Variants in ZEB1 observed in about 807,000 individuals in gnomAD.
ZEB1 encodes the protein zinc finger E-box-binding homeobox 1.
A neutral mutation model predicts 84.9 loss-of-function variants in ZEB1; 21 were observed. The ratio of observed to expected loss-of-function variants is 0.25; its 90% CI spans 0.18 to 0.36. The LOEUF is 0.36. Among genes scored for constraint, ZEB1 ranks in the 10% least tolerant of loss-of-function variants. ZEB1 has a pLI of 1.00. For missense variants in ZEB1, 1,104 were observed against 1,330.2 expected (o/e 0.83, Z 2.65); for synonymous variants, 420 against 471.1 (o/e 0.89, Z 1.41).
intron 1 of ZEB1, among the ~76,000 whole-genome samples, chr10:31,404,515 G>GA (rs2052614401): frequency 6.6e-6 from 1 of 151,878 alleles, no homozygotes; most frequent in Admixed American, 6.6e-5. Context: ...CACCTTTACT[G>GA]AAAAAAATAC....
At chr10:31,475,069 G>A in intron 2 of ZEB1, among the ~76,000 whole-genome samples, 1 of 151,178 alleles carries the variant, frequency 6.6e-6, no homozygotes. Context: ...TGTGGGGTGG[G>A]GCGGGGGGGA....
intron 1 of ZEB1, among the ~76,000 whole-genome samples, chr10:31,406,552 T>C (rs1471601389): frequency 6.6e-6 from 1 of 152,166 alleles, no homozygotes; most frequent in Admixed American, 6.5e-5. Flanking sequence ...TGTTTTTTTC[T>C]TGTAAATTTG....
chr10:31,468,877 G>GT (rs1331168935), intron 2 of ZEB1, among the ~76,000 whole-genome samples: 1 of 152,012 alleles, frequency 6.6e-6, no homozygotes, highest in African/African-American at 2.4e-5. Flanking sequence ...GAAATAGAAT[G>GT]TTGTGACACC....
intron 1 of ZEB1, among the ~76,000 whole-genome samples, chr10:31,338,172 T>A (rs1339079078): frequency 6.6e-6 from 1 of 152,218 alleles, no homozygotes; most frequent in East Asian, 1.9e-4. Context: ...CTTATTATAT[T>A]TTTTTCTAAC....
chr10:31,365,135 A>G (rs908936284), intron 1 of ZEB1, among the ~76,000 whole-genome samples: 2 of 152,244 alleles, frequency 1.3e-5, no homozygotes, highest in Non-Finnish European at 2.9e-5. Flanking sequence ...GGATTATTCC[A>G]TATGGATAAA....
intron 1 of ZEB1, among the ~76,000 whole-genome samples, chr10:31,383,566 G>T (rs2048082030): frequency 6.6e-6 from 1 of 152,060 alleles, no homozygotes; most frequent in South Asian, 2.1e-4. Flanking sequence ...TTTTTAAAAG[G>T]TTACATGACA....
At chr10:31,457,476 G>A (rs928790545) in intron 1 of ZEB1, among the ~76,000 whole-genome samples, 5 of 151,878 alleles carry the variant, frequency 3.3e-5, no homozygotes, top group African/African-American at 7.3e-5. Flanking sequence ...AATAGTTATC[G>A]GTCTTTTTTT....
At chr10:31,474,280 A>C (rs918616052) in intron 2 of ZEB1, among the ~76,000 whole-genome samples, 2 of 151,706 alleles carry the variant, frequency 1.3e-5, no homozygotes, top group Non-Finnish European at 2.9e-5. Context: ...GGCAACCTAC[A>C]AAATGGGAGA....
chr10:31,341,247 G>A lies in ZEB1; in HGVS notation c.58+21955G>A, dbSNP rs1364087182. Among the ~76,000 whole-genome samples, 4 of 152,088 alleles carry A rather than the reference G, an allele frequency of 2.6e-5. 1 individual carries two copies. The highest frequency in any genetic ancestry group is 2.0e-4 in the Admixed American group (3 of 15,250). Reference sequence around the variant, plus strand: ...AGTAGTTAGCTTGATAAGAGGTGACGAGGGCTTAAACTGACACTTAATAGA... The same window carrying A: ...AGTAGTTAGCTTGATAAGAGGTGACAAGGGCTTAAACTGACACTTAATAGA... On this transcript the variant is annotated intron_variant, in intron 1 of 8. Transcript: ENST00000424869.
rs370920979 is a variant in ZEB1, at chr10:31,517,687, CTT to C, written c.794-2437_794-2436del. On this transcript the variant is annotated intron_variant, in intron 6 of 8. Coordinates refer to ENST00000424869, the MANE Select transcript of ZEB1 (RefSeq NM_001174096.2). ...AGTTTTAAATTAACAAATATAGTGA[CTT>C]TGGCTTTAGAATAATTGTTGTGTAA... is the stretch of plus-strand genomic sequence containing the variant. Among the ~76,000 whole-genome samples the C allele has an allele frequency of 3.3e-5, 5 of 152,120 alleles. No individual in the cohort carries two copies. The East Asian group carries it at 7.7e-4, about 23-fold the overall frequency.
intron 1 of ZEB1, among the ~76,000 whole-genome samples, chr10:31,432,026 A>G (rs1243779626): frequency 6.6e-6 from 1 of 152,236 alleles, no homozygotes; most frequent in Non-Finnish European, 1.5e-5. Flanking sequence ...TATTCTGGTT[A>G]CTGCCCTCAA....
At chr10:31,417,398 C>T (rs546426066) in intron 1 of ZEB1, among the ~76,000 whole-genome samples, 208 of 152,184 alleles carry the variant, frequency 1.4e-3, no homozygotes, top group African/African-American at 3.9e-3. Flanking sequence ...TTGGTGTAGT[C>T]ATCTGACTTG....
chr10:31,515,071 AT>A (rs1191926601), intron 6 of ZEB1, among the ~76,000 whole-genome samples: 2 of 152,094 alleles, frequency 1.3e-5, no homozygotes, highest in African/African-American at 4.8e-5. Flanking sequence ...GCACAAGAGA[AT>A]AGGGAAGTGA....
rs562814072 is a variant in ZEB1, at chr10:31,433,363, C to T, written c.59-27674C>T. On this transcript the variant is annotated intron_variant, in intron 1 of 8. Coordinates refer to ENST00000424869, the MANE Select transcript of ZEB1 (RefSeq NM_001174096.2). ...TGCAGTTAACATGTTTTCCAAAATT[C>T]TCATTTACATCTGAAAGCTCAAATT... 3.0e-4 allele frequency among the ~76,000 whole-genome samples: 45 copies of T among 152,278 alleles called. No homozygotes were observed. In the South Asian group the frequency reaches 3.1e-3, roughly 11 times the overall value.
At chr10:31,387,107 C>A (rs1257834946) in intron 1 of ZEB1, 1 of 985,774 alleles carries the variant, frequency 1.0e-6, no homozygotes, top group Non-Finnish European at 1.2e-6. Flanking sequence ...ATCTTTTACT[C>A]TTCTCTCCTC....
intron 2 of ZEB1, among the ~76,000 whole-genome samples, chr10:31,470,151 A>T (rs1450955114): frequency 1.3e-5 from 2 of 152,238 alleles, no homozygotes; most frequent in African/African-American, 4.8e-5. Flanking sequence ...TAAAAAGCAG[A>T]GCGCCTCTCC....
chr10:31,524,657 C>CT (rs1356684512), intron 8 of ZEB1, among the ~76,000 whole-genome samples: 1 of 152,042 alleles, frequency 6.6e-6, no homozygotes, highest in Non-Finnish European at 1.5e-5. Context: ...TTCCTTTAAG[C>CT]TGACACAGCA....
intron 1 of ZEB1, among the ~76,000 whole-genome samples, chr10:31,337,116 G>C (rs1054070938): frequency 1.1e-4 from 16 of 152,128 alleles, no homozygotes; most frequent in Admixed American, 3.9e-4. Context: ...ACTGAAAAAT[G>C]AATGAATTAC....
intron 8 of ZEB1, 110 bp downstream of exon 8, chr10:31,524,223 G>C: frequency 1.7e-6 from 2 of 1,177,610 alleles, no homozygotes; most frequent in East Asian, 2.7e-5. Context: ...TTTTTATTTT[G>C]TTTTGAGACA....
Sources: allele counts gnomAD v4.1 joint callset (sites outside exome capture counted in the v4.1 genomes callset), GRCh38; gene constraint gnomAD v4.1.1; transcripts MANE v1.5; gene names NCBI Gene and HGNC (gene_info 2026-07-23, HGNC 2026-07-21).